Variants in DYRK3 observed in about 807,000 individuals in gnomAD.
DYRK3 encodes dual specificity tyrosine-phosphorylation-regulated kinase 3.
In DYRK3, 30 loss-of-function variants were observed where a neutral mutation model predicts 40.8. That is an observed-to-expected ratio of 0.74 (90% CI 0.55 to 1.00). The LOEUF (loss-of-function observed/expected upper bound fraction) is 1.00, where lower values mean the gene tolerates loss of function less well. Ranked by LOEUF, DYRK3 falls within the 50% of genes least tolerant of loss-of-function variation. The probability of loss-of-function intolerance (pLI) is 0.00; values close to 1 mark genes in which losing one functional copy is unlikely to be tolerated. For synonymous variants in DYRK3, 272 were observed against 260.7 expected, an observed-to-expected ratio of 1.04 and a Z score of -0.42; for missense variants, 699 against 731.5, an observed-to-expected ratio of 0.96 and a Z score of 0.51.
rs549234649 is a variant in DYRK3, at chr1:206,648,890, G to A, written c.1692G>A (p.Lys564=). Residue 564 remains lysine (K), a synonymous_variant, in exon 3 of 3, where the codon AAG becomes AAA. Coordinates refer to ENST00000367109, the MANE Select transcript of DYRK3 (RefSeq NM_003582.4). The part of the protein sequence containing the change: ...KLPPVVGIAN[K]LKANLMSETN... ...CTCCAGTTGTTGGAATAGCCAATAA[G>A]CTTAAAGCTAACTTAATGTCAGAAA... 37 of 1,614,178 alleles carry A rather than the reference G, an allele frequency of 2.3e-5. 1 individual carries two copies. In the South Asian group the frequency reaches 4.0e-4, roughly 17 times the overall value.
At chr1:206,642,940 A>G (rs1671332971) in intron 2 of DYRK3, among the ~76,000 whole-genome samples, 1 of 151,368 alleles carries the variant, frequency 6.6e-6, no homozygotes, top group Admixed American at 6.6e-5. Flanking sequence ...TAATAAAAAT[A>G]TAATAATAAT....
Position 206,648,976 on chromosome 1 carries a change from T to G in DYRK3, c.*11T>G, listed in dbSNP as rs551854696. ...AAACTGATTAGCTAGTGGACAGAGA[T>G]ATGCCCAGAGATGCATATGTGTATA... On this transcript the variant is annotated 3_prime_UTR_variant, in exon 3 of 3. Coordinates refer to ENST00000367109, the MANE Select transcript of DYRK3 (RefSeq NM_003582.4). 1.2e-6 allele frequency: 2 copies of G among 1,600,492 alleles called. No individual in the cohort carries two copies. Among genetic ancestry groups the G allele is most frequent in the South Asian group, 2.2e-5 (2 of 90,492 alleles).
chr1:206,648,568 A>G lies in DYRK3; in HGVS notation c.1370A>G (p.Gln457Arg), dbSNP rs1553420771. The G allele has an allele frequency of 7.4e-6, 12 of 1,614,128 alleles. No individual in the cohort carries two copies. Among genetic ancestry groups the G allele is most frequent in the Non-Finnish European group, 9.3e-6 (11 of 1,180,010 alleles). ...CCCCGCTACTGCTCTGTGACTACCC[A>G]GGCAGATGGGAGGGTTGTGCTTGTG... Reference protein sequence around the residue: ...GIPRYCSVTTQADGRVVLVGG... With the variant: ...GIPRYCSVTTRADGRVVLVGG... Residue 457 changes from glutamine to arginine, a missense_variant, in exon 3 of 3, where the codon CAG becomes CGG. Coordinates refer to ENST00000367109, the MANE Select transcript of DYRK3 (RefSeq NM_003582.4).
rs1671709452 is a variant in DYRK3 at position 206,654,722 on chromosome 1, C to T, written c.*5757C>T. 1.3e-5 allele frequency among the ~76,000 whole-genome samples: 2 copies of T among 152,294 alleles called. No homozygotes were observed. Among genetic ancestry groups the T allele is most frequent in the Admixed American group, 6.5e-5 (1 of 15,300 alleles). ...CATCCATAAAAGGACTAAAAGCTCT[C>T]TCTGGTCCCTGAGATCCACAACCCC... On this transcript the variant is annotated 3_prime_UTR_variant, in exon 3 of 3. Transcript: ENST00000367109.
chr1:206,641,806 AC>A (rs1475203964), intron 2 of DYRK3, among the ~76,000 whole-genome samples: 1 of 150,674 alleles, frequency 6.6e-6, no homozygotes, highest in Admixed American at 6.6e-5. Context: ...TAAATGTTAG[AC>A]CTAAAACCAT....
intron 2 of DYRK3, 100 bp from the exon 3 acceptor site, chr1:206,647,288 A>T: frequency 8.1e-7 from 1 of 1,233,848 alleles, no homozygotes; most frequent in Non-Finnish European, 1.1e-6. Flanking sequence ...CTTAAAGTAA[A>T]CATGACTGGA....
chr1:206,648,975 AT>A lies in DYRK3; in HGVS notation c.*11del, dbSNP rs781820020. On this transcript the variant is annotated 3_prime_UTR_variant, in exon 3 of 3. Transcript: ENST00000367109. Reference sequence around the variant, plus strand: ...AAAACTGATTAGCTAGTGGACAGAGATATGCCCAGAGATGCATATGTGTATA... The same window carrying A: ...AAAACTGATTAGCTAGTGGACAGAGAATGCCCAGAGATGCATATGTGTATA... The A allele has an allele frequency of 6.2e-7, 1 of 1,601,042 alleles. No individual in the cohort carries two copies. Among genetic ancestry groups the A allele is most frequent in the South Asian group, 1.1e-5 (1 of 90,562 alleles).
In DYRK3 at chr1:206,635,751, TG is replaced by T. The variant is rs1553418194; in HGVS notation, c.52del (p.Ala18ProfsTer19). 8.0e-7 allele frequency: 1 copy of T among 1,244,888 alleles called. No homozygotes were observed. The allele number at this position is 1,244,888 out of a possible 1,614,324, so 77.1% of individuals were successfully genotyped here. ...CTGGGCGGAAGGATGCGGGGCCGCC[TG>T]GGGCCGGGCTCCCGCCCCAGCAGCG... is the stretch of plus-strand genomic sequence containing the variant. ...GPGRKDAGPPGAGLPPQQRRL... is the reference protein window; with the variant it reads ...GPGRKDAGPPXAGLPPQQRRL... On this transcript the variant is annotated frameshift_variant, in exon 1 of 3. Transcript: ENST00000367109. LOFTEE classifies it high-confidence loss of function.
At position 206,637,695 on chromosome 1, in the gene DYRK3, C is replaced by G. The variant is rs200980850; in HGVS notation, c.123C>G (p.Thr41=). The G allele has an allele frequency of 2.0e-5, 32 of 1,613,896 alleles. No individual in the cohort carries two copies. Among genetic ancestry groups the G allele is most frequent in the Non-Finnish European group, 2.7e-5 (32 of 1,179,934 alleles). The part of the protein sequence containing the change: ...VYDTFMMIDE[T]KCPPCSNVLC... ...ACACCTTCATGATGATAGATGAAAC[C>G]AAATGTCCCCCCTGTTCAAATGTAC... is the stretch of plus-strand genomic sequence containing the variant. Residue 41 remains threonine (T), a synonymous_variant, in exon 2 of 3, where the codon ACC becomes ACG. Coordinates refer to ENST00000367109, the MANE Select transcript of DYRK3 (RefSeq NM_003582.4).
At chr1:206,635,881 T>G in intron 1 of DYRK3, 101 bp downstream of exon 1, 1 of 1,261,252 alleles carries the variant, frequency 7.9e-7, no homozygotes, top group Non-Finnish European at 1.0e-6. Context: ...GAGCCCTCAG[T>G]AGGAGGGACG....
chr1:206,649,063 TTAGAG>T lies in DYRK3; in HGVS notation c.*103_*107del, dbSNP rs201174255. 1.8e-3 allele frequency: 2,384 copies of T among 1,326,026 alleles called. 63 individuals carry two copies. In the Admixed American group the frequency reaches 0.052, roughly 29 times the overall value. 82.1% of individuals were successfully genotyped at this position (1,326,026 alleles called of 1,614,324 possible). On this transcript the variant is annotated 3_prime_UTR_variant, in exon 3 of 3. Coordinates refer to ENST00000367109, the MANE Select transcript of DYRK3 (RefSeq NM_003582.4). ...GCAAGCCCATTGGTGGATGTTTTTG[TTAGAG>T]TAGACTTTTTTTAAACAAGACAAAA...
Position 206,647,915 on chromosome 1 carries a change from G to T in DYRK3, c.717G>T (p.Met239Ile), listed in dbSNP as rs782789145. Residue 239 changes from methionine (M) to isoleucine (I), a missense_variant, in exon 3 of 3, where the codon ATG becomes ATT. Transcript: ENST00000367109. The stretch of plus-strand genomic sequence containing the variant: ...TTCGACAGTACGTGGCCCTAAAAAT[G>T]GTGCGCAATGAGAAGCGCTTTCATC... ...HKLRQYVALKMVRNEKRFHRQ... is the reference protein window; with the variant it reads ...HKLRQYVALKIVRNEKRFHRQ... 50 of 1,613,930 alleles carry T rather than the reference G, an allele frequency of 3.1e-5. No individual in the cohort carries two copies. In the Admixed American group the frequency reaches 8.0e-4, roughly 26 times the overall value.
Position 206,649,936 on chromosome 1 carries a change from T to C in DYRK3, c.*971T>C, listed in dbSNP as rs12037236. On this transcript the variant is annotated 3_prime_UTR_variant, in exon 3 of 3. Transcript: ENST00000367109. Reference sequence around the variant, plus strand: ...CTGCCACTTCAATGTGCCACATTTTTCCCCCCACTTTCACGTTAAGCTTAA... The same window carrying C: ...CTGCCACTTCAATGTGCCACATTTTCCCCCCCACTTTCACGTTAAGCTTAA... 1.6e-4 allele frequency among the ~76,000 whole-genome samples: 24 copies of C among 152,278 alleles called. No individual in the cohort carries two copies. The highest frequency in any genetic ancestry group is 1.3e-3 in the East Asian group (7 of 5,188).
chr1:206,652,193 T>A lies in DYRK3; in HGVS notation c.*3228T>A, dbSNP rs1238088273. On this transcript the variant is annotated 3_prime_UTR_variant, in exon 3 of 3. Coordinates refer to ENST00000367109, the MANE Select transcript of DYRK3 (RefSeq NM_003582.4). ...CCTGAATTTTCTAACTTGGAGAAATTTAAGGATCTCCTGCATTATCTAGGC... is the reference window on the plus strand; with the variant it reads ...CCTGAATTTTCTAACTTGGAGAAATATAAGGATCTCCTGCATTATCTAGGC... 6.6e-6 allele frequency among the ~76,000 whole-genome samples: 1 copy of A among 152,192 alleles called. No homozygotes were observed. Among genetic ancestry groups the A allele is most frequent in the Non-Finnish European group, 1.5e-5 (1 of 68,032 alleles).
intron 1 of DYRK3, chr1:206,636,222 C>A (rs543045157): frequency 1.8e-5 from 9 of 509,108 alleles, no homozygotes; most frequent in Middle Eastern, 4.1e-4. Context: ...TTCGAATGTA[C>A]AGGTTATGGG....
chr1:206,654,534 C>T lies in DYRK3; in HGVS notation c.*5569C>T, dbSNP rs940786402. Among the ~76,000 whole-genome samples the T allele has an allele frequency of 7.2e-5, 11 of 152,220 alleles. No individual in the cohort carries two copies. The highest frequency in any genetic ancestry group is 2.0e-4 in the Admixed American group (3 of 15,280). On this transcript the variant is annotated 3_prime_UTR_variant, in exon 3 of 3. Coordinates refer to ENST00000367109, the MANE Select transcript of DYRK3 (RefSeq NM_003582.4). ...TTTTTAATATCCCCATTTTAACATA[C>T]TCCATTTTCACCTTCAACCTATCCT...
chr1:206,635,681 C>T lies in DYRK3; in HGVS notation c.-23C>T, dbSNP rs1484920007. ...CGGACCCCCAACTGGCGCCTCTCCCCGCGCGGGGTCCCGAGCTAGGAGATG... is the reference window on the plus strand; with the variant it reads ...CGGACCCCCAACTGGCGCCTCTCCCTGCGCGGGGTCCCGAGCTAGGAGATG... On this transcript the variant is annotated 5_prime_UTR_variant, in exon 1 of 3. Coordinates refer to ENST00000367109, the MANE Select transcript of DYRK3 (RefSeq NM_003582.4). 1.2e-5 allele frequency: 15 copies of T among 1,245,694 alleles called. No homozygotes were observed. The highest frequency in any genetic ancestry group is 1.6e-5 in the African/African-American group (1 of 64,460). 77.2% of individuals were successfully genotyped at this position (1,245,694 alleles called of 1,614,324 possible).
Position 206,641,830 on chromosome 1 carries a change from A to G in DYRK3, c.189+4069A>G, listed in dbSNP as rs2102335333. On this transcript the variant is annotated intron_variant, in intron 2 of 2. Transcript: ENST00000367109. ...GACCTAAAACCATAAAAACCCTAGA[A>G]GAAAACCTAGGCAATACCATTCAGG... Among the ~76,000 whole-genome samples the G allele has an allele frequency of 1.3e-5, 2 of 150,860 alleles. 1 individual carries two copies. Among genetic ancestry groups the G allele is most frequent in the South Asian group, 4.2e-4 (2 of 4,768 alleles).
intron 1 of DYRK3, chr1:206,636,010 G>A (rs1671095789): frequency 7.0e-7 from 1 of 1,437,852 alleles, no homozygotes; most frequent in Admixed American, 2.3e-5. Flanking sequence ...GTTAGAGCAA[G>A]AAGAATTTCC....
Sources: gnomAD v4.1 joint callset for allele counts (sites outside exome capture counted in the v4.1 genomes callset) on GRCh38, gnomAD v4.1.1 for gene constraint, MANE v1.5 for transcripts, NCBI Gene and HGNC (gene_info 2026-07-23, HGNC 2026-07-21) for gene names.